The following NRXN3 variants were observed in gnomAD, a reference collection of about 807,000 sequenced individuals.
NRXN3 encodes neurexin III.
Under a neutral mutation model 137.6 loss-of-function variants are expected in NRXN3, and 32 were observed. The observed-to-expected ratio is 0.23, with a 90% CI of 0.18 to 0.31. NRXN3 has a LOEUF of 0.31. NRXN3 is among the 10% of genes least tolerant of loss of function. The pLI is 1.00. For missense variants in NRXN3, 1,574 were observed against 2,062.5 expected (o/e 0.76, Z 4.59); for synonymous variants, 798 against 784.5 (o/e 1.02, Z -0.29).
intron 10 of NRXN3, among the ~76,000 whole-genome samples, chr14:78,923,029 T>C (rs1237703306): frequency 1.3e-5 from 2 of 152,176 alleles, no homozygotes; most frequent in Non-Finnish European, 2.9e-5. Context: ...TTACTGTTGA[T>C]GTGATGATTG....
At chr14:79,291,438 CTCAA>C (rs2083186795) in intron 15 of NRXN3, among the ~76,000 whole-genome samples, 1 of 151,710 alleles carries the variant, frequency 6.6e-6, no homozygotes, top group East Asian at 2.0e-4. Flanking sequence ...CCAGACCAGT[CTCAA>C]ACTCTTGGGC....
At chr14:78,224,773 T>G (rs2064302849) in intron 1 of NRXN3, among the ~76,000 whole-genome samples, 1 of 138,192 alleles carries the variant, frequency 7.2e-6, no homozygotes, top group African/African-American at 2.8e-5. Context: ...TTTTTTTTTT[T>G]TTTTGAGACG....
At chr14:79,637,654 C>A (rs1567741077) in intron 16 of NRXN3, among the ~76,000 whole-genome samples, 1 of 151,590 alleles carries the variant, frequency 6.6e-6, no homozygotes, top group Non-Finnish European at 1.5e-5. Context: ...GTCCCTGACC[C>A]CAGAGCTAAA....
chr14:79,139,957 GAT>G (rs2152993362), intron 15 of NRXN3, among the ~76,000 whole-genome samples: 1 of 149,202 alleles, frequency 6.7e-6, no homozygotes, highest in Non-Finnish European at 1.5e-5. Context: ...ATATATATGA[GAT>G]ATATATGTAT....
chr14:78,790,223 T>C (rs2098801099), intron 8 of NRXN3, among the ~76,000 whole-genome samples: 1 of 152,230 alleles, frequency 6.6e-6, no homozygotes, highest in Non-Finnish European at 1.5e-5. Flanking sequence ...AGAGTTTCTC[T>C]ATTCCATTTT....
chr14:78,315,381 G>A (rs1339821884), intron 4 of NRXN3, among the ~76,000 whole-genome samples: 1 of 152,152 alleles, frequency 6.6e-6, no homozygotes, highest in African/African-American at 2.4e-5. Flanking sequence ...GGGAACTTGT[G>A]AAACTATAGA....
intron 16 of NRXN3, among the ~76,000 whole-genome samples, chr14:79,662,109 G>A (rs2098537216): frequency 6.6e-6 from 1 of 152,020 alleles, no homozygotes; most frequent in Non-Finnish European, 1.5e-5. Context: ...TTGCTTTCCA[G>A]GCCCCCACAG....
intron 6 of NRXN3, among the ~76,000 whole-genome samples, chr14:78,686,754 C>T (rs2098129292): frequency 6.6e-6 from 1 of 152,166 alleles, no homozygotes; most frequent in Admixed American, 6.5e-5. Context: ...CAAGGGAACA[C>T]TGAAGTCTCA....
chr14:79,641,225 AT>A (rs1395298904), intron 16 of NRXN3, among the ~76,000 whole-genome samples: 1 of 133,920 alleles, frequency 7.5e-6, no homozygotes, highest in Non-Finnish European at 1.7e-5. Context: ...GGTCAGGCTA[AT>A]CTGGAAATCC....
At chr14:78,743,401 G>A (rs1467281217) in intron 8 of NRXN3, among the ~76,000 whole-genome samples, 1 of 152,114 alleles carries the variant, frequency 6.6e-6, no homozygotes, top group Non-Finnish European at 1.5e-5. Context: ...CTTACTCCTT[G>A]CTATCCACAT....
At chr14:78,292,759 G>GTCCC (rs2075931333) in intron 3 of NRXN3, among the ~76,000 whole-genome samples, 1 of 152,122 alleles carries the variant, frequency 6.6e-6, no homozygotes, top group African/African-American at 2.4e-5. Flanking sequence ...GAAAGGTGTG[G>GTCCC]TCCCCTCTGC....
intron 15 of NRXN3, among the ~76,000 whole-genome samples, chr14:79,352,206 A>G (rs1691815576): frequency 6.6e-6 from 1 of 152,010 alleles, no homozygotes; most frequent in Non-Finnish European, 1.5e-5. Context: ...CATCAATCAT[A>G]TTTGACACAT....
In NRXN3 at chr14:79,013,739, G is replaced by C. The variant is rs142037094; in HGVS notation, c.3262+25598G>C. On this transcript the variant is annotated intron_variant, in intron 15 of 20. Coordinates refer to ENST00000335750, the MANE Select transcript of NRXN3 (RefSeq NM_001330195.2). ...AATCTATAAGTAGCCACTTTACGTG[G>C]CTTATAGATCTAAAGTGAATGTTGG... Among the ~76,000 whole-genome samples the C allele has an allele frequency of 8.7e-3, 1,319 of 152,246 alleles. 5 individuals are homozygous for C. The highest frequency in any genetic ancestry group is 0.024 in the Middle Eastern group (7 of 294).
intron 6 of NRXN3, among the ~76,000 whole-genome samples, chr14:78,666,386 G>T (rs934943407): frequency 6.6e-6 from 1 of 152,108 alleles, no homozygotes; most frequent in Non-Finnish European, 1.5e-5. Flanking sequence ...AAACAAAATG[G>T]TTATAAGGTT....
intron 16 of NRXN3, among the ~76,000 whole-genome samples, chr14:79,506,572 G>T (rs766430469): frequency 2.6e-5 from 4 of 152,088 alleles, no homozygotes; most frequent in Non-Finnish European, 4.4e-5. Flanking sequence ...TCATTATATG[G>T]CATTTTTGAA....
intron 20 of NRXN3, among the ~76,000 whole-genome samples, chr14:79,853,178 G>A (rs372780385): frequency 3.3e-5 from 5 of 152,210 alleles, no homozygotes; most frequent in East Asian, 1.9e-4. Flanking sequence ...TTAGTAGTGC[G>A]TCTCAATCAC....
chr14:79,811,210 C>A (rs2099231340), intron 20 of NRXN3, among the ~76,000 whole-genome samples: 1 of 152,118 alleles, frequency 6.6e-6, no homozygotes, highest in African/African-American at 2.4e-5. Flanking sequence ...GCTATAAATT[C>A]TGATAAAAGG....
chr14:79,330,867 A>C (rs1387751397), intron 15 of NRXN3, among the ~76,000 whole-genome samples: 1 of 152,212 alleles, frequency 6.6e-6, no homozygotes, highest in Non-Finnish European at 1.5e-5. Context: ...GAATGAAATA[A>C]ATGTGTGAAA....
At chr14:78,943,275 T>C (rs1329606294) in intron 10 of NRXN3, among the ~76,000 whole-genome samples, 2 of 152,094 alleles carry the variant, frequency 1.3e-5, no homozygotes, top group African/African-American at 4.8e-5. Context: ...CTAATGGTGA[T>C]GAAGAAGACT....
Sources: allele counts gnomAD v4.1 joint callset (sites outside exome capture counted in the v4.1 genomes callset), GRCh38; gene constraint gnomAD v4.1.1; transcripts MANE v1.5; gene names NCBI Gene and HGNC (gene_info 2026-07-23, HGNC 2026-07-21).